Variants in DCC observed in about 807,000 individuals in gnomAD.
DCC encodes netrin receptor DCC.
A neutral mutation model predicts 172.5 loss-of-function variants in DCC; 58 were observed. That is an observed-to-expected ratio of 0.34 (90% CI 0.27 to 0.42). The LOEUF (loss-of-function observed/expected upper bound fraction) is 0.42. DCC is among the 10% of genes least tolerant of loss of function. DCC has a pLI of 1.00. For missense variants in DCC, 1,740 were observed against 1,791.0 expected, an observed-to-expected ratio of 0.97 and a Z score of 0.51; for synonymous variants, 709 against 644.5, an observed-to-expected ratio of 1.10 and a Z score of -1.52.
At chr18:52,545,389 T>C (rs922546135) in intron 1 of DCC, among the ~76,000 whole-genome samples, 2 of 152,200 alleles carry the variant, frequency 1.3e-5, no homozygotes, top group Admixed American at 1.3e-4. Context: ...GGACAGGTTC[T>C]CTTGGTTGGT....
intron 1 of DCC, among the ~76,000 whole-genome samples, chr18:52,402,495 T>A (rs745633538): frequency 6.6e-6 from 1 of 152,004 alleles, no homozygotes; most frequent in African/African-American, 2.4e-5. Context: ...CCCATCAAGC[T>A]GTGACTTGAA....
intron 1 of DCC, among the ~76,000 whole-genome samples, chr18:52,531,015 T>G (rs946504422): frequency 5.9e-5 from 9 of 152,218 alleles, no homozygotes; most frequent in African/African-American, 2.2e-4. Context: ...TAAGGACAAC[T>G]TGGCCTCTAA....
chr18:52,536,719 G>A (rs1014745307), intron 1 of DCC, among the ~76,000 whole-genome samples: 3 of 151,990 alleles, frequency 2.0e-5, no homozygotes, highest in South Asian at 4.2e-4. Flanking sequence ...AGGACATGTC[G>A]CCCTTTTCTT....
chr18:53,232,837 T>G (rs549295781), intron 12 of DCC, among the ~76,000 whole-genome samples: 1 of 152,242 alleles, frequency 6.6e-6, no homozygotes, highest in Admixed American at 6.5e-5. Flanking sequence ...AACCATCCTA[T>G]ATGACAGCCC....
Position 53,017,140 on chromosome 18 carries a change from A to G in DCC, c.986-46165A>G, listed in dbSNP as rs576263811. Among the ~76,000 whole-genome samples, 7 of 144,228 alleles carry G rather than the reference A, an allele frequency of 4.9e-5. No individual in the cohort carries two copies. The South Asian group carries it at 1.5e-3, about 31-fold the overall frequency. 94.6% of individuals were successfully genotyped at this position (144,228 alleles called of 152,430 possible). A position where few individuals can be genotyped will look rare whatever the true frequency, so the allele number is the denominator to read the frequency against. ...ACCCAGGCTGGAGTGCAGTAGCGCCATCTCGGCTCACTGCAAGCTCCGCCT... is the reference window on the plus strand; with the variant it reads ...ACCCAGGCTGGAGTGCAGTAGCGCCGTCTCGGCTCACTGCAAGCTCCGCCT... On this transcript the variant is annotated intron_variant, in intron 5 of 28. Coordinates refer to ENST00000442544, the MANE Select transcript of DCC (RefSeq NM_005215.4).
At chr18:52,480,947 G>A (rs1144045) in intron 1 of DCC, among the ~76,000 whole-genome samples, 1 of 151,280 alleles carries the variant, frequency 6.6e-6, no homozygotes, top group Non-Finnish European at 1.5e-5. Flanking sequence ...AAATTACTAA[G>A]AGTAATTTAT....
rs532125640 is a variant in DCC, at chr18:53,072,231, A to T, written c.1261+6065A>T. 3.0e-3 allele frequency among the ~76,000 whole-genome samples: 460 copies of T among 152,300 alleles called. 1 individual carries two copies. Among genetic ancestry groups the T allele is most frequent in the African/African-American group, 0.011 (446 of 41,572 alleles). ...AGCAATAAGTTAGGATCCCATTGGC[A>T]TACTGGATGGTGATAAATTAATTAC... On this transcript the variant is annotated intron_variant, in intron 7 of 28. Transcript: ENST00000442544.
intron 7 of DCC, among the ~76,000 whole-genome samples, chr18:53,076,717 G>A (rs1401464611): frequency 1.3e-5 from 2 of 152,284 alleles, no homozygotes; most frequent in African/African-American, 4.8e-5. Flanking sequence ...GTTTATTTCA[G>A]TCAAGATGAA....
intron 12 of DCC, among the ~76,000 whole-genome samples, chr18:53,299,940 G>A (rs1259359108): frequency 6.6e-6 from 1 of 152,092 alleles, no homozygotes; most frequent in African/African-American, 2.4e-5. Context: ...TATAAATAAT[G>A]CAGAGTGCTT....
chr18:53,424,642 G>GA, intron 21 of DCC, among the ~76,000 whole-genome samples: 1 of 118,930 alleles, frequency 8.4e-6, no homozygotes, highest in East Asian at 2.1e-4. Flanking sequence ...CTATTACCGG[G>GA]GGAAGAGTAG....
chr18:53,413,040 C>T (rs971186074), intron 20 of DCC, among the ~76,000 whole-genome samples: 1 of 152,142 alleles, frequency 6.6e-6, no homozygotes, highest in Non-Finnish European at 1.5e-5. Flanking sequence ...CACTGTCAAA[C>T]TATTGGAAGA....
In DCC at chr18:53,433,002, A is replaced by C. The variant is rs1911719827; in HGVS notation, c.3164-2142A>C. On this transcript the variant is annotated intron_variant, in intron 21 of 28. Coordinates refer to ENST00000442544, the MANE Select transcript of DCC (RefSeq NM_005215.4). Reference sequence around the variant, plus strand: ...TGCTCGTTGGTGACATCAACTTTTTAAAAAGTGCTTTCTGTTGGACTTGTT... The same window carrying C: ...TGCTCGTTGGTGACATCAACTTTTTCAAAAGTGCTTTCTGTTGGACTTGTT... 2.6e-5 allele frequency among the ~76,000 whole-genome samples: 4 copies of C among 152,214 alleles called. No homozygotes were observed. The South Asian group carries it at 8.3e-4, about 32-fold the overall frequency.
At chr18:52,721,725 T>G (rs1418372320) in intron 1 of DCC, among the ~76,000 whole-genome samples, 1 of 152,128 alleles carries the variant, frequency 6.6e-6, no homozygotes, top group Non-Finnish European at 1.5e-5. Context: ...CCAAATCACT[T>G]TTTTAAAGTA....
At position 52,880,193 on chromosome 18, in the gene DCC, G is replaced by T. The variant is rs373486312; in HGVS notation, c.413-25851G>T. Among the ~76,000 whole-genome samples the T allele has an allele frequency of 3.3e-5, 5 of 152,002 alleles. No individual in the cohort carries two copies. The East Asian group carries it at 9.7e-4, about 29-fold the overall frequency. ...GTCACCCAGGCTGGAGTGCAGTGGTGCATTTCAGCTTCAGCTCACTGCAAC... is the reference window on the plus strand; with the variant it reads ...GTCACCCAGGCTGGAGTGCAGTGGTTCATTTCAGCTTCAGCTCACTGCAAC... On this transcript the variant is annotated intron_variant, in intron 2 of 28. Transcript: ENST00000442544.
chr18:52,925,198 T>A (rs778749218), intron 4 of DCC, 36 bp from the exon 5 acceptor site: 15 of 1,603,050 alleles, frequency 9.4e-6, no homozygotes, highest in Non-Finnish European at 1.3e-5. Flanking sequence ...TATATACATA[T>A]GTTAATTTAC....
chr18:52,503,002 C>T (rs993928054), intron 1 of DCC, among the ~76,000 whole-genome samples: 1 of 152,130 alleles, frequency 6.6e-6, no homozygotes, highest in Non-Finnish European at 1.5e-5. Context: ...GCAGTACAAA[C>T]GTATTTAAGC....
intron 1 of DCC, among the ~76,000 whole-genome samples, chr18:52,364,157 AT>A (rs943554189): frequency 2.0e-4 from 30 of 152,050 alleles, no homozygotes; most frequent in Admixed American, 1.3e-3. Flanking sequence ...AATACCACAC[AT>A]TTTTTTTACT....
chr18:53,386,145 G>A lies in DCC; in HGVS notation c.2455+7G>A, dbSNP rs3764494. On this transcript the variant is annotated splice_region_variant and intron_variant, in intron 16 of 28. Coordinates refer to ENST00000442544, the MANE Select transcript of DCC (RefSeq NM_005215.4). ...ACCACCAGGTCTATAACCGGTAAGT[G>A]AAATTGTTAATCTTCCTCTGACAAA... The A allele has an allele frequency of 5.2e-4, 815 of 1,555,046 alleles. 8 individuals are homozygous for A. The East Asian group carries it at 0.018, about 34-fold the overall frequency.
chr18:53,091,945 A>G (rs1329275983), intron 7 of DCC, among the ~76,000 whole-genome samples: 2 of 151,992 alleles, frequency 1.3e-5, no homozygotes, highest in East Asian at 1.9e-4. Context: ...ACCATTGGCT[A>G]GCAAAACTAT....
Sources: gnomAD v4.1 joint callset for allele counts (sites outside exome capture counted in the v4.1 genomes callset) on GRCh38, gnomAD v4.1.1 for gene constraint, MANE v1.5 for transcripts, NCBI Gene and HGNC (gene_info 2026-07-23, HGNC 2026-07-21) for gene names.